FHIP1A: variants seen among roughly 807,000 people sequenced by gnomAD.
FHIP1A encodes FHF complex subunit HOOK interacting protein 1A.
Under a neutral mutation model 88.6 loss-of-function variants are expected in FHIP1A, and 61 were observed. The observed-to-expected ratio is 0.69, with a 90% CI of 0.56 to 0.85. The LOEUF (loss-of-function observed/expected upper bound fraction) is 0.85. FHIP1A is among the 40% of genes least tolerant of loss of function. The probability of loss-of-function intolerance (pLI) is 0.00; values close to 1 mark genes in which losing one functional copy is unlikely to be tolerated. For synonymous variants in FHIP1A, 478 were observed against 496.0 expected (o/e 0.96, Z 0.48); for missense variants, 1,154 against 1,273.5 (o/e 0.91, Z 1.43).
At chr4:151,598,753 A>G (rs1443573376) in intron 7 of FHIP1A, among the ~76,000 whole-genome samples, 1 of 152,216 alleles carries the variant, frequency 6.6e-6, no homozygotes, top group Non-Finnish European at 1.5e-5. Context: ...TATAGTGTGA[A>G]TAGGTTCACA....
chr4:151,650,031 G>C lies in FHIP1A; in HGVS notation c.1990G>C (p.Ala664Pro), dbSNP rs1286029544. 1 of 1,551,712 alleles carries C rather than the reference G, an allele frequency of 6.4e-7. No individual in the cohort carries two copies. Among genetic ancestry groups the C allele is most frequent in the Non-Finnish European group, 8.7e-7 (1 of 1,147,004 alleles). Reference sequence around the variant, plus strand: ...CATGAAGGATTCTCAGGAGGAAGCTGCTAGGCCACCAGCTGAAGCCCAGGC... The same window carrying C: ...CATGAAGGATTCTCAGGAGGAAGCTCCTAGGCCACCAGCTGAAGCCCAGGC... ...EDMKDSQEEA[A>P]RPPAEAQAEV... Residue 664 changes from alanine to proline, a missense_variant, in exon 11 of 14, where the codon GCT becomes CCT. Ala to Pro is a conservative substitution (Grantham distance 27). Coordinates refer to ENST00000435205, the MANE Select transcript of FHIP1A (RefSeq NM_001109977.3).
At chr4:151,598,294 C>CCGACTCCT (rs1734729197) in intron 7 of FHIP1A, among the ~76,000 whole-genome samples, 1 of 152,098 alleles carries the variant, frequency 6.6e-6, no homozygotes, top group Non-Finnish European at 1.5e-5. Context: ...AGCGAGTTCC[C>CCGACTCCT]CGACTCCTCG....
At chr4:151,457,516 A>G (rs1471946690) in intron 2 of FHIP1A, among the ~76,000 whole-genome samples, 2 of 152,216 alleles carry the variant, frequency 1.3e-5, no homozygotes, top group African/African-American at 2.4e-5. Context: ...CAAATTCTCC[A>G]TGTTCCAGAA....
intron 3 of FHIP1A, among the ~76,000 whole-genome samples, chr4:151,515,891 T>G (rs1407774610): frequency 2.6e-5 from 4 of 152,122 alleles, no homozygotes; most frequent in African/African-American, 7.2e-5. Context: ...AATTTATAGA[T>G]TCAGTGCCAT....
intron 2 of FHIP1A, among the ~76,000 whole-genome samples, chr4:151,470,703 G>A (rs1420813218): frequency 6.6e-6 from 1 of 152,210 alleles, no homozygotes; most frequent in Admixed American, 6.6e-5. Flanking sequence ...AAGAGAAGAG[G>A]GTTCCTGCCC....
intron 2 of FHIP1A, among the ~76,000 whole-genome samples, chr4:151,479,952 T>C (rs1315920367): frequency 6.6e-6 from 1 of 152,104 alleles, no homozygotes; most frequent in African/African-American, 2.4e-5. Flanking sequence ...GATTATATTA[T>C]GTGGAGGTAG....
intron 1 of FHIP1A, among the ~76,000 whole-genome samples, chr4:151,439,930 C>T (rs1728344597): frequency 6.6e-6 from 1 of 152,172 alleles, no homozygotes; most frequent in African/African-American, 2.4e-5. Flanking sequence ...TTTATTGTCT[C>T]TATCTCCATG....
In FHIP1A at chr4:151,586,809, C is replaced by T; in HGVS notation, c.891+10C>T. ...CAATGCAGTCATACAGGTACCAGAG[C>T]ACAATAAAGGATCCCTTTGCTATGG... On this transcript the variant is annotated intron_variant, in intron 6 of 13. Coordinates refer to ENST00000435205, the MANE Select transcript of FHIP1A (RefSeq NM_001109977.3). The T allele has an allele frequency of 6.5e-7, 1 of 1,531,966 alleles. No individual in the cohort carries two copies. Among genetic ancestry groups the T allele is most frequent in the Non-Finnish European group, 8.8e-7 (1 of 1,131,742 alleles). 94.9% of individuals were successfully genotyped at this position (1,531,966 alleles called of 1,614,324 possible). A position where few individuals can be genotyped will look rare whatever the true frequency, so the allele number is the denominator to read the frequency against.
At chr4:151,530,189 G>T (rs1451098524) in intron 3 of FHIP1A, among the ~76,000 whole-genome samples, 1 of 152,174 alleles carries the variant, frequency 6.6e-6, no homozygotes, top group Non-Finnish European at 1.5e-5. Context: ...CTCCTCCTGA[G>T]TTGGAGAACA....
intron 11 of FHIP1A, 77 bp downstream of exon 11, chr4:151,650,669 A>G: frequency 6.8e-7 from 1 of 1,460,900 alleles, no homozygotes; most frequent in South Asian, 1.5e-5. Flanking sequence ...GGAAGGTAGG[A>G]AAAGGTAAGG....
At chr4:151,521,041 A>T (rs1023776570) in intron 3 of FHIP1A, among the ~76,000 whole-genome samples, 1 of 152,218 alleles carries the variant, frequency 6.6e-6, no homozygotes, top group African/African-American at 2.4e-5. Flanking sequence ...GTATTGTCAG[A>T]TGTGAGAGGT....
At chr4:151,502,331 C>T (rs1730683390) in intron 3 of FHIP1A, among the ~76,000 whole-genome samples, 1 of 147,810 alleles carries the variant, frequency 6.8e-6, no homozygotes, top group Non-Finnish European at 1.5e-5. Flanking sequence ...AACAAACAAA[C>T]AAACAAACAA....
At chr4:151,421,411 T>TA (rs1453507971) in intron 1 of FHIP1A, among the ~76,000 whole-genome samples, 1 of 152,200 alleles carries the variant, frequency 6.6e-6, no homozygotes, top group African/African-American at 2.4e-5. Context: ...TCATCCCCCT[T>TA]ACTCTGCTCT....
chr4:151,522,473 G>GA (rs1276153620), intron 3 of FHIP1A, among the ~76,000 whole-genome samples: 1 of 152,230 alleles, frequency 6.6e-6, no homozygotes, highest in African/African-American at 2.4e-5. Flanking sequence ...CTCTGTTCAG[G>GA]AATCTCCCTG....
intron 7 of FHIP1A, among the ~76,000 whole-genome samples, chr4:151,612,879 G>T (rs1173762947): frequency 6.6e-6 from 1 of 152,184 alleles, no homozygotes; most frequent in Non-Finnish European, 1.5e-5. Context: ...CATGAGAGTG[G>T]CAGTAGCAGC....
chr4:151,557,327 A>G (rs1732988298), intron 3 of FHIP1A, among the ~76,000 whole-genome samples: 1 of 152,212 alleles, frequency 6.6e-6, no homozygotes, highest in African/African-American at 2.4e-5. Flanking sequence ...TACCTGAAGC[A>G]CCAACTCTAG....
chr4:151,592,102 A>G (rs187009445), intron 7 of FHIP1A, among the ~76,000 whole-genome samples: 6 of 150,592 alleles, frequency 4.0e-5, no homozygotes, highest in Admixed American at 1.3e-4. Context: ...AAGTGCTCCT[A>G]TTTCTCCACA....
intron 7 of FHIP1A, among the ~76,000 whole-genome samples, chr4:151,624,798 G>A (rs1735891821): frequency 6.6e-6 from 1 of 152,140 alleles, no homozygotes; most frequent in Non-Finnish European, 1.5e-5. Context: ...AGGTCGGGGA[G>A]CAGAAGGGAG....
Position 151,577,765 on chromosome 4 carries a change from A to G in FHIP1A, c.421A>G (p.Lys141Glu). 6.4e-7 allele frequency: 1 copy of G among 1,551,904 alleles called. No individual in the cohort carries two copies. The highest frequency in any genetic ancestry group is 8.7e-7 in the Non-Finnish European group (1 of 1,147,048). ...QPLLHHKPIL[K>E]PLMMLLSSCS... ...TCTGCTGCACCACAAACCCATTCTG[A>G]AGCCTCTGATGATGTTGCTGAGCTC... The change falls in exon 5 of 14, where the codon AAG (lysine) becomes GAG (glutamate). Residue 141 changes from lysine to glutamate, a missense_variant. By Grantham distance (56) the Lys-to-Glu change is moderately conservative. Coordinates refer to ENST00000435205, the MANE Select transcript of FHIP1A (RefSeq NM_001109977.3).
Sources: gnomAD v4.1 joint callset for allele counts (sites outside exome capture counted in the v4.1 genomes callset) on GRCh38, gnomAD v4.1.1 for gene constraint, MANE v1.5 for transcripts, NCBI Gene and HGNC (gene_info 2026-07-23, HGNC 2026-07-21) for gene names.